GPM6A: variants seen among roughly 807,000 people sequenced by gnomAD.
GPM6A encodes glycoprotein M6A.
A neutral mutation model predicts 32.1 loss-of-function variants in GPM6A; 7 were observed. The observed-to-expected ratio is 0.22, with a 90% CI of 0.12 to 0.41. The LOEUF (loss-of-function observed/expected upper bound fraction) is 0.41, where lower values mean the gene tolerates loss of function less well. GPM6A is among the 10% of genes least tolerant of loss of function. The pLI, the probability that GPM6A is intolerant of heterozygous loss-of-function variation, is 1.00. For synonymous variants in GPM6A, 130 were observed against 123.4 expected, an observed-to-expected ratio of 1.05 and a Z score of -0.35; for missense variants, 235 against 347.2, an observed-to-expected ratio of 0.68 and a Z score of 2.57.
chr4:175,806,944 A>T (rs1734719737), intron 1 of GPM6A: 1 of 152,224 alleles, frequency 6.6e-6, no homozygotes, highest in Non-Finnish European at 1.5e-5. Context: ...TGTCCACTAG[A>T]TGGATAAAAT....
intron 1 of GPM6A, among the ~76,000 whole-genome samples, chr4:175,783,815 T>A (rs1020675870): frequency 1.3e-5 from 2 of 151,734 alleles, no homozygotes; most frequent in African/African-American, 4.8e-5. Context: ...AGGAGAAAAA[T>A]AAAGACTCAA....
intron 1 of GPM6A, among the ~76,000 whole-genome samples, chr4:175,737,913 C>T (rs1000686283): frequency 1.3e-5 from 2 of 151,084 alleles, no homozygotes; most frequent in Non-Finnish European, 2.9e-5. Context: ...GAGATGAGGG[C>T]ATCTAAACAT....
At chr4:175,839,768 T>A (rs1334017241) in intron 1 of GPM6A, among the ~76,000 whole-genome samples, 1 of 152,186 alleles carries the variant, frequency 6.6e-6, no homozygotes, top group African/African-American at 2.4e-5. Context: ...TTAATTCCCA[T>A]TTAGCTTGTT....
At chr4:175,739,076 C>T (rs1426238579) in intron 1 of GPM6A, among the ~76,000 whole-genome samples, 1 of 152,126 alleles carries the variant, frequency 6.6e-6, no homozygotes, top group Non-Finnish European at 1.5e-5. Context: ...CTAAAGCAAG[C>T]ATTAAAGAAA....
At chr4:175,793,968 C>T (rs1560936428) in intron 1 of GPM6A, among the ~76,000 whole-genome samples, 3 of 151,676 alleles carry the variant, frequency 2.0e-5, no homozygotes, top group South Asian at 4.1e-4. Flanking sequence ...ACTTTTTAAC[C>T]TTTGTCAATT....
intron 1 of GPM6A, among the ~76,000 whole-genome samples, chr4:175,988,648 C>T (rs896121417): frequency 1.3e-5 from 2 of 152,130 alleles, no homozygotes; most frequent in Non-Finnish European, 2.9e-5. Context: ...GTGATCAAAA[C>T]TGAAATTTGA....
intron 1 of GPM6A, among the ~76,000 whole-genome samples, chr4:175,743,596 G>A (rs1457771079): frequency 1.3e-5 from 2 of 151,766 alleles, no homozygotes; most frequent in African/African-American, 4.8e-5. Flanking sequence ...AGACAAATGT[G>A]TCTGAAATAA....
intron 3 of GPM6A, among the ~76,000 whole-genome samples, chr4:175,670,181 C>A (rs1742974927): frequency 6.6e-6 from 1 of 152,112 alleles, no homozygotes; most frequent in Non-Finnish European, 1.5e-5. Flanking sequence ...ACTCTTAGAG[C>A]AGGTAGATTT....
chr4:175,856,575 T>G (rs1736423941), intron 1 of GPM6A, among the ~76,000 whole-genome samples: 1 of 152,208 alleles, frequency 6.6e-6, no homozygotes, highest in Non-Finnish European at 1.5e-5. Flanking sequence ...GATAGCCTTT[T>G]TGGGTTCCTG....
At chr4:175,704,328 C>G (rs919234258) in intron 1 of GPM6A, among the ~76,000 whole-genome samples, 1 of 151,820 alleles carries the variant, frequency 6.6e-6, no homozygotes, top group Non-Finnish European at 1.5e-5. Context: ...CTCTCACACA[C>G]ACACACACAC....
chr4:175,674,896 C>CT (rs560432130), intron 2 of GPM6A, among the ~76,000 whole-genome samples: 90 of 143,086 alleles, frequency 6.3e-4, no homozygotes, highest in Admixed American at 1.4e-3. Flanking sequence ...CCCAGTTTTG[C>CT]TTTTTTTTTT....
chr4:175,819,747 C>T (rs765364798), intron 1 of GPM6A, among the ~76,000 whole-genome samples: 1 of 152,128 alleles, frequency 6.6e-6, no homozygotes, highest in Non-Finnish European at 1.5e-5. Context: ...AAGTAGTAGA[C>T]CCAAAGGCAT....
At chr4:175,780,868 A>T (rs1249651744) in intron 1 of GPM6A, among the ~76,000 whole-genome samples, 2 of 152,144 alleles carry the variant, frequency 1.3e-5, no homozygotes, top group Non-Finnish European at 2.9e-5. Flanking sequence ...TGAATATAGA[A>T]ACTTCCTAAT....
At chr4:175,870,035 C>G (rs1393790602) in intron 1 of GPM6A, among the ~76,000 whole-genome samples, 3 of 152,158 alleles carry the variant, frequency 2.0e-5, no homozygotes, top group Non-Finnish European at 4.4e-5. Flanking sequence ...TATTCATCTC[C>G]ATGATTAGGC....
intron 1 of GPM6A, among the ~76,000 whole-genome samples, chr4:175,884,897 T>C (rs1325081483): frequency 3.3e-5 from 5 of 152,206 alleles, no homozygotes; most frequent in African/African-American, 1.2e-4. Flanking sequence ...AAAAATCTAC[T>C]GTTTTCAAAT....
chr4:175,944,326 T>A (rs1184473439), intron 1 of GPM6A, among the ~76,000 whole-genome samples: 1 of 152,182 alleles, frequency 6.6e-6, no homozygotes, highest in Admixed American at 6.5e-5. Flanking sequence ...GTTCTGTGCA[T>A]CATGATTAAA....
At chr4:175,721,715 T>C (rs1339531696) in intron 1 of GPM6A, among the ~76,000 whole-genome samples, 6 of 152,228 alleles carry the variant, frequency 3.9e-5, no homozygotes, top group Non-Finnish European at 7.3e-5. Flanking sequence ...GAAAAACTGT[T>C]GACACTTCAT....
At chr4:175,697,297 G>A (rs1401436587) in intron 2 of GPM6A, among the ~76,000 whole-genome samples, 1 of 152,108 alleles carries the variant, frequency 6.6e-6, no homozygotes, top group East Asian at 1.9e-4. Context: ...CTTCACAGAA[G>A]CAAAATACCT....
intron 1 of GPM6A, among the ~76,000 whole-genome samples, chr4:175,931,677 C>T (rs9714885): frequency 0.082 from 11,130 of 135,572 alleles, 489 homozygotes; most frequent in South Asian, 0.24. Flanking sequence ...AATATACACA[C>T]ACACACACAC....
Sources: gnomAD v4.1 joint callset for allele counts (sites outside exome capture counted in the v4.1 genomes callset) on GRCh38, gnomAD v4.1.1 for gene constraint, MANE v1.5 for transcripts, NCBI Gene and HGNC (gene_info 2026-07-23, HGNC 2026-07-21) for gene names.